SNX5: variants seen among roughly 807,000 people sequenced by gnomAD.
The protein encoded by SNX5 is sorting nexin 5, also known as sorting nexin-5.
In SNX5, 31 loss-of-function variants were observed where a neutral mutation model predicts 53.9. The ratio of observed to expected loss-of-function variants is 0.58; its 90% confidence interval spans 0.43 to 0.78. The LOEUF is 0.78. SNX5 is among the 30% of genes least tolerant of loss of function. The probability of loss-of-function intolerance (pLI) is 0.00; values close to 1 mark genes in which losing one functional copy is unlikely to be tolerated. For missense variants in SNX5, 471 were observed against 478.8 expected, an observed-to-expected ratio of 0.98 and a Z score of 0.15; for synonymous variants, 168 against 171.1, an observed-to-expected ratio of 0.98 and a Z score of 0.14.
intron 1 of SNX5, among the ~76,000 whole-genome samples, chr20:17,964,506 G>A (rs564972805): frequency 6.6e-6 from 1 of 152,174 alleles, no homozygotes; most frequent in Admixed American, 6.5e-5. Context: ...AAGGTGTGAA[G>A]ATCTCTTTTA....
At chr20:17,958,061 C>A (rs1249123870) in intron 1 of SNX5, among the ~76,000 whole-genome samples, 1 of 148,478 alleles carries the variant, frequency 6.7e-6, no homozygotes, top group African/African-American at 2.5e-5. Flanking sequence ...AGGAACTGGG[C>A]TATTAGGGAA....
intron 6 of SNX5, 85 bp from the exon 7 acceptor site, chr20:17,950,481 T>C (rs1440117506): frequency 5.3e-6 from 4 of 756,798 alleles, no homozygotes; most frequent in Non-Finnish European, 8.8e-6. Context: ...AAAAATATAT[T>C]GCTTAGAACA....
chr20:17,966,148 G>C (rs1164156974), intron 1 of SNX5, among the ~76,000 whole-genome samples: 1 of 152,108 alleles, frequency 6.6e-6, no homozygotes, highest in East Asian at 1.9e-4. Context: ...GAACCCCCTA[G>C]TTAAAAATAG....
chr20:17,952,230 A>T (rs1227846782), intron 5 of SNX5, among the ~76,000 whole-genome samples: 2 of 152,224 alleles, frequency 1.3e-5, no homozygotes, highest in Admixed American at 1.3e-4. Context: ...CTCAAAAAAG[A>T]AAAGAAAAAA....
rs117239637 is a variant in SNX5, at chr20:17,953,357, T to C, written c.389+639A>G. ...ATGCAAGGATGGATTCATAAGAAAC[T>C]TTCCAAAAATCTATTTTTGTTTGAA... On this transcript the variant is annotated intron_variant, in intron 4 of 12. Coordinates refer to ENST00000377759, the MANE Select transcript of SNX5 (RefSeq NM_014426.4). 8.0e-3 allele frequency among the ~76,000 whole-genome samples: 1,217 copies of C among 152,328 alleles called. 9 individuals carry two copies. Among genetic ancestry groups the C allele is most frequent in the Non-Finnish European group, 0.013 (888 of 68,020 alleles).
At chr20:17,959,783 A>T (rs1340450824) in intron 1 of SNX5, among the ~76,000 whole-genome samples, 2 of 152,222 alleles carry the variant, frequency 1.3e-5, no homozygotes, top group Admixed American at 1.3e-4. Flanking sequence ...TCACTCGGGA[A>T]GCATCAAGTG....
chr20:17,955,731 G>A (rs548693899), intron 2 of SNX5, among the ~76,000 whole-genome samples: 5 of 152,288 alleles, frequency 3.3e-5, no homozygotes, highest in African/African-American at 1.2e-4. Context: ...TAGAAGTTCA[G>A]TTCTAAGAAA....
intron 1 of SNX5, chr20:17,962,621 T>TTCGGGGGAGGGGGGAGGGATAAAAAA (rs1268019208): frequency 2.0e-5 from 9 of 461,380 alleles, no homozygotes; most frequent in East Asian, 1.1e-4. Context: ...TAAAGACTTC[T>TTCGGGGGAGGGGGGAGGGATAAAAAA]AACAGAAGAT....
intron 1 of SNX5, chr20:17,961,500 A>T (rs1431957904): frequency 7.1e-6 from 7 of 985,268 alleles, no homozygotes; most frequent in Non-Finnish European, 7.2e-6. Context: ...GGGCTAGTTG[A>T]ACAGTCATTT....
At chr20:17,963,911 CTTGAGTT>C (rs1568598239) in intron 1 of SNX5, among the ~76,000 whole-genome samples, 1 of 151,878 alleles carries the variant, frequency 6.6e-6, no homozygotes. Context: ...TTCTTTCACT[CTTGAGTT>C]TGAGGTACAG....
At chr20:17,961,881 T>C (rs1053976998) in intron 1 of SNX5, 4 of 985,312 alleles carry the variant, frequency 4.1e-6, no homozygotes, top group Non-Finnish European at 4.8e-6. Flanking sequence ...TGGAAAGATA[T>C]CCACACCTTG....
intron 1 of SNX5, among the ~76,000 whole-genome samples, chr20:17,966,989 A>G (rs1056885706): frequency 1.3e-5 from 2 of 152,202 alleles, no homozygotes; most frequent in African/African-American, 2.4e-5. Context: ...AAACAATGTC[A>G]TGTAACTCTC....
rs2039568968 is a variant in SNX5 at position 17,951,580 on chromosome 20, T to C, written c.529A>G (p.Lys177Glu). 6.2e-7 allele frequency: 1 copy of C among 1,610,948 alleles called. No individual in the cohort carries two copies. Among genetic ancestry groups the C allele is most frequent in the Non-Finnish European group, 8.5e-7 (1 of 1,177,728 alleles). ...EYDQDLSVRR[K>E]NTKEMFGGFF... Reference sequence around the variant, plus strand: ...CCACCAAACATCTCTTTAGTATTTTTCCGCCTAACACTTAGCTAAAAGAAG... The same window carrying C: ...CCACCAAACATCTCTTTAGTATTTTCCCGCCTAACACTTAGCTAAAAGAAG... Residue 177 changes from lysine (K) to glutamate (E), a missense_variant, in exon 6 of 13, where the codon AAA becomes GAA. Transcript: ENST00000377759.
chr20:17,944,128 A>G (rs949533886), intron 11 of SNX5: 1 of 152,204 alleles, frequency 6.6e-6, no homozygotes, highest in African/African-American at 2.4e-5. Context: ...TTACAGGTAA[A>G]ATCTTAAGTT....
At chr20:17,960,757 A>G (rs1234797805) in intron 1 of SNX5, among the ~76,000 whole-genome samples, 1 of 149,780 alleles carries the variant, frequency 6.7e-6, no homozygotes, top group Non-Finnish European at 1.5e-5. Context: ...AGCCTGGGCA[A>G]CAGAGCGAGT....
chr20:17,950,193 A>C lies in SNX5; in HGVS notation c.730T>G (p.Tyr244Asp). ...TGTAAGCAGGCTGCGGTGTGGATAT[A>C]GTCATCGGCAACATCTGCAGAAACA... ...TRSHKNVADD[Y>D]IHTAACLHSL... The change falls in exon 8 of 13, where the codon TAT (tyrosine) becomes GAT (aspartate). Residue 244 changes from tyrosine (Y) to aspartate (D), a missense_variant. By Grantham distance (160) the Tyr-to-Asp change is radical. Coordinates refer to ENST00000377759, the MANE Select transcript of SNX5 (RefSeq NM_014426.4). 1 of 1,614,182 alleles carries C rather than the reference A, an allele frequency of 6.2e-7. No individual in the cohort carries two copies. Among genetic ancestry groups the C allele is most frequent in the Non-Finnish European group, 8.5e-7 (1 of 1,180,010 alleles).
chr20:17,942,297 A>C lies in SNX5; in HGVS notation c.*60T>G, dbSNP rs2039427733. On this transcript the variant is annotated 3_prime_UTR_variant, in exon 13 of 13. Coordinates refer to ENST00000377759, the MANE Select transcript of SNX5 (RefSeq NM_014426.4). ...ATATATCTTCCGTGGTAATGATTTA[A>C]GTGCAAGTGATGCTTGGCTTTCTTT... 4 of 1,042,260 alleles carry C rather than the reference A, an allele frequency of 3.8e-6. No homozygotes were observed. The highest frequency in any genetic ancestry group is 6.1e-6 in the Non-Finnish European group (4 of 659,854). The allele number at this position is 1,042,260 out of a possible 1,614,324, so 64.6% of individuals were successfully genotyped here.
At chr20:17,946,206 C>CT (rs1390763776) in intron 11 of SNX5, among the ~76,000 whole-genome samples, 2 of 152,218 alleles carry the variant, frequency 1.3e-5, no homozygotes, top group Non-Finnish European at 2.9e-5. Flanking sequence ...TCCCTGAAAC[C>CT]TGCATGTGTG....
At chr20:17,951,314 C>A in intron 6 of SNX5, 186 bp downstream of exon 6, 1 of 572,466 alleles carries the variant, frequency 1.7e-6, no homozygotes, top group Non-Finnish European at 3.2e-6. Context: ...TCTCCTGGGA[C>A]AGAACAAGGT....
Sources: gnomAD v4.1 joint callset for allele counts (sites outside exome capture counted in the v4.1 genomes callset) on GRCh38, gnomAD v4.1.1 for gene constraint, MANE v1.5 for transcripts, NCBI Gene and HGNC (gene_info 2026-07-23, HGNC 2026-07-21) for gene names.